Variants in SLX4IP observed in about 807,000 individuals in gnomAD.
SLX4IP encodes SLX4 interacting protein.
Under a neutral mutation model 32.9 loss-of-function variants are expected in SLX4IP, and 34 were observed. The ratio of observed to expected loss-of-function variants is 1.03; its 90% CI spans 0.79 to 1.38. SLX4IP has a LOEUF of 1.38. Among genes scored for constraint, SLX4IP ranks in the 40% most tolerant of loss-of-function variants. The pLI is 0.00. For synonymous variants in SLX4IP, 172 were observed against 171.7 expected (o/e 1.00, Z -0.01); for missense variants, 444 against 479.0 (o/e 0.93, Z 0.68).
chr20:10,506,887 T>C (rs1279689709), intron 2 of SLX4IP, among the ~76,000 whole-genome samples: 2 of 152,212 alleles, frequency 1.3e-5, no homozygotes, highest in Non-Finnish European at 2.9e-5. Flanking sequence ...CCCGACTTTA[T>C]TGGGATATGA....
At chr20:10,580,912 A>G (rs2066578520) in intron 4 of SLX4IP, among the ~76,000 whole-genome samples, 1 of 152,158 alleles carries the variant, frequency 6.6e-6, no homozygotes. Flanking sequence ...CAACTCAGTA[A>G]TAGCTCACCA....
chr20:10,530,647 T>G (rs1475038461), intron 2 of SLX4IP, among the ~76,000 whole-genome samples: 1 of 152,272 alleles, frequency 6.6e-6, no homozygotes, highest in Non-Finnish European at 1.5e-5. Flanking sequence ...GCAACCATCT[T>G]GCTATAAATT....
chr20:10,453,019 C>A (rs2065256055), intron 1 of SLX4IP, among the ~76,000 whole-genome samples: 1 of 152,086 alleles, frequency 6.6e-6, no homozygotes, highest in Admixed American at 6.6e-5. Flanking sequence ...CATTAGAGAT[C>A]TTTTGCTCTG....
chr20:10,541,237 G>T (rs990720466), intron 2 of SLX4IP, among the ~76,000 whole-genome samples: 1 of 152,122 alleles, frequency 6.6e-6, no homozygotes, highest in African/African-American at 2.4e-5. Context: ...CACCTTCTTT[G>T]GTAAAGTTCA....
intron 2 of SLX4IP, among the ~76,000 whole-genome samples, chr20:10,548,311 T>C (rs1568734644): frequency 1.3e-5 from 2 of 152,068 alleles, no homozygotes; most frequent in Non-Finnish European, 2.9e-5. Context: ...TGATCTCGGC[T>C]CACTGCAAGC....
chr20:10,590,896 C>T (rs1250971481), intron 4 of SLX4IP, among the ~76,000 whole-genome samples: 2 of 152,140 alleles, frequency 1.3e-5, no homozygotes, highest in Non-Finnish European at 2.9e-5. Flanking sequence ...AGATTGCAAA[C>T]TGACAATATA....
At chr20:10,501,323 G>T (rs894697837) in intron 2 of SLX4IP, among the ~76,000 whole-genome samples, 4 of 151,972 alleles carry the variant, frequency 2.6e-5, no homozygotes, top group Non-Finnish European at 4.4e-5. Flanking sequence ...TTTACATTTG[G>T]TTCTTATTTG....
intron 2 of SLX4IP, among the ~76,000 whole-genome samples, chr20:10,525,557 G>C (rs1250120273): frequency 6.6e-6 from 1 of 152,194 alleles, no homozygotes; most frequent in Non-Finnish European, 1.5e-5. Flanking sequence ...ATAATGGTTT[G>C]TTTTTCCTGG....
At chr20:10,598,062 G>A (rs1165706164) in intron 4 of SLX4IP, among the ~76,000 whole-genome samples, 4 of 152,146 alleles carry the variant, frequency 2.6e-5, no homozygotes, top group Non-Finnish European at 4.4e-5. Flanking sequence ...AGGTGGCTAA[G>A]ATCTATTCGC....
intron 2 of SLX4IP, among the ~76,000 whole-genome samples, chr20:10,545,077 T>G (rs2066148938): frequency 6.6e-6 from 1 of 152,082 alleles, no homozygotes; most frequent in Non-Finnish European, 1.5e-5. Context: ...CAAATCAGCT[T>G]CAGGAGATGC....
intron 2 of SLX4IP, among the ~76,000 whole-genome samples, chr20:10,553,133 T>C (rs1362134213): frequency 5.3e-5 from 8 of 152,332 alleles, no homozygotes; most frequent in Middle Eastern, 3.4e-3. Flanking sequence ...TTTTCCTTTT[T>C]ATTATGAACG....
At chr20:10,443,510 G>A (rs2065174975) in intron 1 of SLX4IP, among the ~76,000 whole-genome samples, 1 of 152,168 alleles carries the variant, frequency 6.6e-6, no homozygotes, top group African/African-American at 2.4e-5. Flanking sequence ...GGTCTCAGAG[G>A]ATAACTCAAC....
chr20:10,517,687 A>G (rs611244), intron 2 of SLX4IP, among the ~76,000 whole-genome samples: 87,196 of 151,850 alleles, frequency 0.57, 25,652 homozygotes, highest in South Asian at 0.72. Context: ...TGAGGAGAGC[A>G]TCTTGGGTAT....
chr20:10,550,261 C>T (rs187395666), intron 2 of SLX4IP, among the ~76,000 whole-genome samples: 5 of 152,270 alleles, frequency 3.3e-5, no homozygotes, highest in East Asian at 1.9e-4. Flanking sequence ...ATCTTTGCCT[C>T]GTTACTTGAA....
In SLX4IP at chr20:10,623,375, A is replaced by G; in HGVS notation, c.1223A>G (p.His408Arg). ...TKKRKKYERG[H>R] Reference sequence around the variant, plus strand: ...AAAAGAAAGAAATACGAAAGAGGCCATTAACACCGAAGAGGTTTGTACCGT... The same window carrying G: ...AAAAGAAAGAAATACGAAAGAGGCCGTTAACACCGAAGAGGTTTGTACCGT... Residue 408 changes from histidine to arginine, a missense_variant, in exon 8 of 8, where the codon CAT (histidine) becomes CGT (arginine). Transcript: ENST00000334534. 2 of 1,609,344 alleles carry G rather than the reference A, an allele frequency of 1.2e-6. No individual in the cohort carries two copies. The highest frequency in any genetic ancestry group is 1.7e-6 in the Non-Finnish European group (2 of 1,178,028).
chr20:10,469,333 A>G (rs1400285208), intron 2 of SLX4IP, among the ~76,000 whole-genome samples: 1 of 152,144 alleles, frequency 6.6e-6, no homozygotes, highest in Non-Finnish European at 1.5e-5. Flanking sequence ...AAAAAAAATC[A>G]TCTCAACCTA....
At chr20:10,554,851 A>T (rs1010378304) in intron 2 of SLX4IP, among the ~76,000 whole-genome samples, 4 of 152,076 alleles carry the variant, frequency 2.6e-5, no homozygotes, top group South Asian at 2.1e-4. Context: ...TGCCAGATAC[A>T]TGTATTTTTG....
chr20:10,469,396 T>G (rs1797204389), intron 2 of SLX4IP, among the ~76,000 whole-genome samples: 1 of 152,228 alleles, frequency 6.6e-6, no homozygotes, highest in Non-Finnish European at 1.5e-5. Flanking sequence ...TTAATAATTC[T>G]TTTGAAAATA....
intron 2 of SLX4IP, among the ~76,000 whole-genome samples, chr20:10,525,327 G>T (rs965344517): frequency 3.3e-5 from 5 of 151,966 alleles, no homozygotes; most frequent in African/African-American, 1.2e-4. Context: ...AATTTGATTT[G>T]CCAATTTTGA....
Sources: allele counts gnomAD v4.1 joint callset (sites outside exome capture counted in the v4.1 genomes callset), GRCh38; gene constraint gnomAD v4.1.1; transcripts MANE v1.5; gene names NCBI Gene and HGNC (gene_info 2026-07-23, HGNC 2026-07-21).